The following FAM114A1 variants were observed in gnomAD, a reference collection of about 807,000 sequenced individuals.
FAM114A1 encodes protein NOXP20.
In FAM114A1, 62 loss-of-function variants were observed where a neutral mutation model predicts 64.3. The observed-to-expected ratio is 0.96, with a 90% CI of 0.79 to 1.19. The LOEUF is 1.19. FAM114A1 is among the 50% of genes most tolerant of loss of function. The probability of loss-of-function intolerance (pLI) is 0.00; values close to 1 mark genes in which losing one functional copy is unlikely to be tolerated. For synonymous variants in FAM114A1, 254 were observed against 251.1 expected (o/e 1.01, Z -0.11); for missense variants, 645 against 676.3 (o/e 0.95, Z 0.51).
At chr4:38,883,911 C>A (rs1715547104) in intron 3 of FAM114A1, among the ~76,000 whole-genome samples, 1 of 152,176 alleles carries the variant, frequency 6.6e-6, no homozygotes, top group Non-Finnish European at 1.5e-5. Context: ...CAGTGCTTCC[C>A]AGATCTGGAG....
chr4:38,906,705 T>A (rs1326336659), intron 6 of FAM114A1, among the ~76,000 whole-genome samples: 1 of 152,130 alleles, frequency 6.6e-6, no homozygotes, highest in Admixed American at 6.6e-5. Flanking sequence ...CAGCTAATTT[T>A]TGTGTTTTTA....
chr4:38,910,585 A>G (rs1718442828), intron 7 of FAM114A1, among the ~76,000 whole-genome samples: 1 of 152,190 alleles, frequency 6.6e-6, no homozygotes, highest in Non-Finnish European at 1.5e-5. Context: ...GGAAGAGGTG[A>G]TGAGGAATCA....
intron 4 of FAM114A1, among the ~76,000 whole-genome samples, chr4:38,896,781 T>C (rs999709224): frequency 1.3e-4 from 20 of 152,260 alleles, no homozygotes; most frequent in African/African-American, 4.8e-4. Context: ...AAGAAACTTA[T>C]TGGAAAACAG....
intron 4 of FAM114A1, among the ~76,000 whole-genome samples, chr4:38,900,013 C>G (rs771536389): frequency 6.6e-6 from 1 of 152,012 alleles, no homozygotes; most frequent in Non-Finnish European, 1.5e-5. Context: ...GGCTGGCCCA[C>G]CTTCTGTTAT....
At chr4:38,888,498 G>A (rs1399542554) in intron 3 of FAM114A1, among the ~76,000 whole-genome samples, 8 of 152,126 alleles carry the variant, frequency 5.3e-5, no homozygotes, top group Non-Finnish European at 1.2e-4. Flanking sequence ...CTCCAGCTTG[G>A]GCAACAGAGC....
In FAM114A1 at chr4:38,939,962, C is replaced by A. The variant is rs142281139; in HGVS notation, c.1537-1006C>A. 9.9e-3 allele frequency among the ~76,000 whole-genome samples: 1,483 copies of A among 149,098 alleles called. 25 individuals are homozygous for A. Among genetic ancestry groups the A allele is most frequent in the African/African-American group, 0.035 (1,400 of 40,164 alleles). On this transcript the variant is annotated intron_variant, in intron 13 of 14. Transcript: ENST00000358869. The stretch of plus-strand genomic sequence containing the variant: ...GGAGTGCAATGGTGCCATCTCGGCT[C>A]ACTGCAACCACTGCCTCCTAGGTTT...
At chr4:38,941,119 T>G in intron 14 of FAM114A1, 98 bp downstream of exon 14, 1 of 1,093,312 alleles carries the variant, frequency 9.1e-7, no homozygotes, top group South Asian at 1.4e-5. Context: ...CAAATGTTAT[T>G]GCAATTCTGA....
rs115127122 is a variant in FAM114A1 at position 38,912,320 on chromosome 4, A to G, written c.793-2601A>G. ...CTTTCTTCTCTAGTGGGAAAATAGA[A>G]CCAGCCTCCGTTGTCAAGCTGGTTA... On this transcript the variant is annotated intron_variant, in intron 7 of 14. Coordinates refer to ENST00000358869, the MANE Select transcript of FAM114A1 (RefSeq NM_138389.4). Among the ~76,000 whole-genome samples the G allele has an allele frequency of 5.0e-3, 760 of 152,148 alleles. 9 individuals are homozygous for G. Among genetic ancestry groups the G allele is most frequent in the African/African-American group, 0.017 (713 of 41,502 alleles).
chr4:38,880,100 A>AATAGAATAG (rs1560288012), intron 3 of FAM114A1, among the ~76,000 whole-genome samples: 30 of 98,942 alleles, frequency 3.0e-4, no homozygotes, highest in African/African-American at 9.9e-4. Context: ...AAATAAAATA[A>AATAGAATAG]AATAGAGTAG....
intron 9 of FAM114A1, among the ~76,000 whole-genome samples, chr4:38,923,793 A>G (rs1719856346): frequency 6.6e-6 from 1 of 152,172 alleles, no homozygotes; most frequent in African/African-American, 2.4e-5. Flanking sequence ...CCAGATGATA[A>G]CTTGACCTCA....
chr4:38,910,374 T>G (rs1218421161), intron 7 of FAM114A1, among the ~76,000 whole-genome samples: 2 of 152,148 alleles, frequency 1.3e-5, no homozygotes, highest in Non-Finnish European at 2.9e-5. Flanking sequence ...TCTCACAAAG[T>G]GCAGCATGAA....
chr4:38,903,418 T>C (rs899422241), intron 4 of FAM114A1, among the ~76,000 whole-genome samples: 3 of 152,188 alleles, frequency 2.0e-5, no homozygotes, highest in Non-Finnish European at 4.4e-5. Context: ...TCATCTTTCT[T>C]GAGTGGCTTA....
chr4:38,909,170 C>T (rs2054933), intron 7 of FAM114A1, among the ~76,000 whole-genome samples: 60,524 of 152,044 alleles, frequency 0.4, 12,984 homozygotes, highest in African/African-American at 0.54. Flanking sequence ...ATCTCTACCA[C>T]TTAGTAGCTG....
At chr4:38,868,748 TG>T (rs1713719630) in intron 2 of FAM114A1, among the ~76,000 whole-genome samples, 1 of 152,226 alleles carries the variant, frequency 6.6e-6, no homozygotes, top group South Asian at 2.1e-4. Context: ...TCAGCCAACC[TG>T]TGACAACTGA....
intron 6 of FAM114A1, among the ~76,000 whole-genome samples, chr4:38,907,976 C>A (rs1344635636): frequency 6.6e-6 from 1 of 152,126 alleles, no homozygotes; most frequent in Non-Finnish European, 1.5e-5. Context: ...ATATAATACA[C>A]CAGTTTCTAA....
In FAM114A1 at chr4:38,942,426, G is replaced by GAA. The variant is rs199510332; in HGVS notation, c.1591-1027_1591-1026dup. On this transcript the variant is annotated intron_variant, in intron 14 of 14. Coordinates refer to ENST00000358869, the MANE Select transcript of FAM114A1 (RefSeq NM_138389.4). ...CTTGGAGGAACAGACATAGCTAAGA[G>GAA]AAAACCCTGGCAGTCAGAGGCAGAA... 3.0e-4 allele frequency among the ~76,000 whole-genome samples: 45 copies of GAA among 152,258 alleles called. No individual in the cohort carries two copies. In the East Asian group the frequency reaches 8.5e-3, roughly 29 times the overall value.
At chr4:38,932,940 G>A (rs370196590) in intron 12 of FAM114A1, among the ~76,000 whole-genome samples, 2 of 148,088 alleles carry the variant, frequency 1.4e-5, no homozygotes, top group Non-Finnish European at 3.0e-5. Context: ...TGCAACCTCC[G>A]CCTCCCAGGT....
At position 38,943,632 on chromosome 4, in the gene FAM114A1, C is replaced by T. The variant is rs1356206945; in HGVS notation, c.*75C>T. On this transcript the variant is annotated 3_prime_UTR_variant, in exon 15 of 15. Transcript: ENST00000358869. ...AATATGTACCATTTAAGGGGATGTT[C>T]TCTGTGCGCCTGGCCACAGACATCC... 4 of 1,269,674 alleles carry T rather than the reference C, an allele frequency of 3.2e-6. No individual in the cohort carries two copies. Among genetic ancestry groups the T allele is most frequent in the Non-Finnish European group, 4.6e-6 (4 of 875,010 alleles). The allele number at this position is 1,269,674 out of a possible 1,614,324, so 78.7% of individuals were successfully genotyped here.
At chr4:38,881,148 G>A (rs1715230538) in intron 3 of FAM114A1, among the ~76,000 whole-genome samples, 1 of 151,126 alleles carries the variant, frequency 6.6e-6, no homozygotes, top group East Asian at 1.9e-4. Context: ...TTGAGGCAGT[G>A]AGCTGAGATT....
Sources: gnomAD v4.1 joint callset for allele counts (sites outside exome capture counted in the v4.1 genomes callset) on GRCh38, gnomAD v4.1.1 for gene constraint, MANE v1.5 for transcripts, NCBI Gene and HGNC (gene_info 2026-07-23, HGNC 2026-07-21) for gene names.